The following RAP1GDS1 variants were observed in gnomAD, a reference collection of about 807,000 sequenced individuals.
The protein encoded by RAP1GDS1 is RAP1, GTP-GDP dissociation stimulator 1.
A neutral mutation model predicts 71.1 loss-of-function variants in RAP1GDS1; 35 were observed. That is an observed-to-expected ratio of 0.49 (90% CI 0.38 to 0.65). The LOEUF is 0.65. RAP1GDS1 is among the 30% of genes least tolerant of loss of function. The probability of loss-of-function intolerance (pLI) is 0.00; values close to 1 mark genes in which losing one functional copy is unlikely to be tolerated. For synonymous variants in RAP1GDS1, 229 were observed against 243.1 expected, an observed-to-expected ratio of 0.94 and a Z score of 0.54; for missense variants, 663 against 706.1, an observed-to-expected ratio of 0.94 and a Z score of 0.69.
In RAP1GDS1 at chr4:98,442,213, G is replaced by A; in HGVS notation, c.*96G>A. 1 of 1,504,454 alleles carries A rather than the reference G, an allele frequency of 6.6e-7. No individual in the cohort carries two copies. Among genetic ancestry groups the A allele is most frequent in the Non-Finnish European group, 8.9e-7 (1 of 1,119,820 alleles). 93.2% of individuals were successfully genotyped at this position (1,504,454 alleles called of 1,614,324 possible). On this transcript the variant is annotated 3_prime_UTR_variant, in exon 15 of 15. Transcript: ENST00000408927. ...CTTCATTCTCTACCATACCACTTGT[G>A]CATGCATGTGATGTTCTAATACCAA...
Position 98,421,374 on chromosome 4 carries a change from A to G in RAP1GDS1, c.1420A>G (p.Ile474Val). 1.2e-6 allele frequency: 2 copies of G among 1,600,248 alleles called. No homozygotes were observed. Among genetic ancestry groups the G allele is most frequent in the Non-Finnish European group, 1.7e-6 (2 of 1,173,292 alleles). ...GTCAAACAGACTGCTGTCTGCCCTT[A>G]TACGACACAGTAAATCAAAAGTAAG... The part of the protein sequence containing the change: ...GESNRLLSAL[I>V]RHSKSKDVIK... The change falls in exon 12 of 15, where the codon ATA becomes GTA. Residue 474 changes from isoleucine to valine, a missense_variant. Coordinates refer to ENST00000408927, the MANE Select transcript of RAP1GDS1 (RefSeq NM_001100427.2).
intron 1 of RAP1GDS1, 119 bp downstream of exon 1, chr4:98,261,688 C>T (rs1721993948): frequency 3.1e-6 from 4 of 1,305,288 alleles, no homozygotes; most frequent in Non-Finnish European, 4.2e-6. Context: ...GGGTGTGAGA[C>T]GGTGGCTGTT....
At chr4:98,334,912 G>A (rs1282654359) in intron 2 of RAP1GDS1, among the ~76,000 whole-genome samples, 11 of 106,680 alleles carry the variant, frequency 1.0e-4, no homozygotes, top group African/African-American at 2.6e-4. Context: ...CAGAATCAAA[G>A]TAAGCAAAAA....
chr4:98,294,087 C>G (rs1235659258), intron 2 of RAP1GDS1, among the ~76,000 whole-genome samples: 3 of 152,032 alleles, frequency 2.0e-5, no homozygotes, highest in Non-Finnish European at 2.9e-5. Context: ...ATAGAAACTG[C>G]ACAGTTCTTC....
rs780983302 is a variant in RAP1GDS1 at position 98,437,030 on chromosome 4, A to G, written c.1658A>G (p.Tyr553Cys). 28 of 1,612,560 alleles carry G rather than the reference A, an allele frequency of 1.7e-5. No individual in the cohort carries two copies. In the Middle Eastern group the frequency reaches 1.2e-3, roughly 68 times the overall value. The change falls in exon 14 of 15, where the codon TAT becomes TGT. Residue 553 changes from tyrosine to cysteine, a missense_variant. Transcript: ENST00000408927. ...ADERSAPEIK[Y>C]NSMVLICALM... is the part of the protein sequence containing the mutation. ...GAGAGAAGTGCTCCTGAAATCAAATATAATTCCATGGTCCTGATATGTGCT... is the reference window on the plus strand; with the variant it reads ...GAGAGAAGTGCTCCTGAAATCAAATGTAATTCCATGGTCCTGATATGTGCT...
chr4:98,295,009 A>G (rs2110283592), intron 2 of RAP1GDS1, among the ~76,000 whole-genome samples: 1 of 152,212 alleles, frequency 6.6e-6, no homozygotes, highest in African/African-American at 2.4e-5. Context: ...ACTGAAGGAC[A>G]TGAAGGGTCA....
intron 2 of RAP1GDS1, among the ~76,000 whole-genome samples, chr4:98,342,411 TTTTC>T (rs1735614575): frequency 6.6e-6 from 1 of 152,168 alleles, no homozygotes; most frequent in Non-Finnish European, 1.5e-5. Flanking sequence ...TTCTTTGAGC[TTTTC>T]TTTATTTTTA....
intron 1 of RAP1GDS1, among the ~76,000 whole-genome samples, chr4:98,287,487 A>C (rs1237266547): frequency 6.6e-6 from 1 of 152,142 alleles, no homozygotes; most frequent in Non-Finnish European, 1.5e-5. Flanking sequence ...TGTGTGTGTA[A>C]GTGGTGAATA....
chr4:98,374,078 G>A (rs1740805638), intron 4 of RAP1GDS1, among the ~76,000 whole-genome samples: 1 of 151,946 alleles, frequency 6.6e-6, no homozygotes, highest in South Asian at 2.1e-4. Context: ...ATTGACCATG[G>A]GTAACAAACT....
At chr4:98,429,537 A>C (rs145628852) in intron 12 of RAP1GDS1, among the ~76,000 whole-genome samples, 4 of 152,132 alleles carry the variant, frequency 2.6e-5, no homozygotes, top group African/African-American at 7.2e-5. Flanking sequence ...GACTACAAAT[A>C]TGGTGCAGTG....
chr4:98,264,124 A>C (rs189605652), intron 1 of RAP1GDS1, among the ~76,000 whole-genome samples: 1 of 152,134 alleles, frequency 6.6e-6, no homozygotes, highest in Non-Finnish European at 1.5e-5. Context: ...ATTTTTAAAG[A>C]TAGTCTCAGC....
intron 4 of RAP1GDS1, among the ~76,000 whole-genome samples, chr4:98,369,412 GA>G (rs1278037734): frequency 6.6e-6 from 1 of 152,144 alleles, no homozygotes; most frequent in Admixed American, 6.5e-5. Context: ...ACTTATGCGT[GA>G]ATGTTCAATG....
At chr4:98,395,613 G>T (rs1200014988) in intron 6 of RAP1GDS1, among the ~76,000 whole-genome samples, 2 of 152,118 alleles carry the variant, frequency 1.3e-5, no homozygotes, top group Admixed American at 6.6e-5. Flanking sequence ...TAAAACCCCA[G>T]AAATAAGCAG....
intron 12 of RAP1GDS1, among the ~76,000 whole-genome samples, chr4:98,430,853 G>A (rs561000314): frequency 3.9e-5 from 6 of 152,144 alleles, no homozygotes; most frequent in South Asian, 2.1e-4. Flanking sequence ...CCTGAATTCC[G>A]TCTTGGAGTT....
At chr4:98,432,813 A>G (rs1277979665) in intron 12 of RAP1GDS1, among the ~76,000 whole-genome samples, 1 of 152,174 alleles carries the variant, frequency 6.6e-6, no homozygotes, top group Admixed American at 6.5e-5. Flanking sequence ...CTCCTACTAA[A>G]TCAGATTTAG....
At chr4:98,305,952 G>C (rs943098486) in intron 2 of RAP1GDS1, among the ~76,000 whole-genome samples, 27 of 152,196 alleles carry the variant, frequency 1.8e-4, no homozygotes, top group Non-Finnish European at 3.7e-4. Flanking sequence ...AGATTTGCCA[G>C]TCTCAGTATT....
chr4:98,390,715 T>C (rs1743484834), intron 5 of RAP1GDS1, among the ~76,000 whole-genome samples: 1 of 152,130 alleles, frequency 6.6e-6, no homozygotes, highest in African/African-American at 2.4e-5. Flanking sequence ...CCCACCTGCT[T>C]CCTTATCTAT....
At chr4:98,311,725 C>A (rs1441651740) in intron 2 of RAP1GDS1, among the ~76,000 whole-genome samples, 1 of 152,176 alleles carries the variant, frequency 6.6e-6, no homozygotes, top group African/African-American at 2.4e-5. Context: ...CAGCGTTGAA[C>A]CCCCGCACTC....
At chr4:98,384,162 C>G (rs1374590565) in intron 5 of RAP1GDS1, among the ~76,000 whole-genome samples, 1 of 151,450 alleles carries the variant, frequency 6.6e-6, no homozygotes. Context: ...AATTTTCCAT[C>G]ATACTACCTT....
Sources: allele counts gnomAD v4.1 joint callset (sites outside exome capture counted in the v4.1 genomes callset), GRCh38; gene constraint gnomAD v4.1.1; transcripts MANE v1.5; gene names NCBI Gene and HGNC (gene_info 2026-07-23, HGNC 2026-07-21).